Variants in KCNC1 observed in about 807,000 individuals in gnomAD.
KCNC1 encodes the protein voltage-gated potassium channel KCNC1.
A neutral mutation model predicts 43.4 loss-of-function variants in KCNC1; 8 were observed. The observed-to-expected ratio is 0.18, with a 90% CI of 0.11 to 0.33. The LOEUF (loss-of-function observed/expected upper bound fraction) is 0.33. Among genes scored for constraint, KCNC1 ranks in the 10% least tolerant of loss-of-function variants. The probability of loss-of-function intolerance (pLI) is 1.00; values close to 1 mark genes in which losing one functional copy is unlikely to be tolerated. For synonymous variants in KCNC1, 361 were observed against 360.5 expected (o/e 1.00, Z -0.01); for missense variants, 420 against 836.0 (o/e 0.50, Z 6.14).
chr11:17,738,979 C>T (rs1186356133), intron 1 of KCNC1, among the ~76,000 whole-genome samples: 1 of 152,226 alleles, frequency 6.6e-6, no homozygotes, highest in Non-Finnish European at 1.5e-5. Context: ...CCCAAGGGCA[C>T]TCGGGAGCTG....
At chr11:17,768,502 A>G (rs1271950144) in intron 1 of KCNC1, among the ~76,000 whole-genome samples, 1 of 152,122 alleles carries the variant, frequency 6.6e-6, no homozygotes, top group Admixed American at 6.5e-5. Context: ...ATTCCAGTTG[A>G]AAGCACCCTC....
At position 17,739,035 on chromosome 11, in the gene KCNC1, C is replaced by G. The variant is rs538563396; in HGVS notation, c.570+2463C>G. Among the ~76,000 whole-genome samples the G allele has an allele frequency of 1.3e-5, 2 of 152,234 alleles. No individual in the cohort carries two copies. Among genetic ancestry groups the G allele is most frequent in the Admixed American group, 1.3e-4 (2 of 15,290 alleles). On this transcript the variant is annotated intron_variant, in intron 1 of 3. Transcript: ENST00000265969. This position sits in a 1 kb window ranked among gnomAD's most constrained non-coding sequence, Gnocchi z 4.2. The stretch of plus-strand genomic sequence containing the variant: ...GAACCCCAGCTTCCTGCCGCCCGCC[C>G]GGCTGGCCTAGCTGCACTGCGCTGC...
chr11:17,750,451 C>T (rs1002185926), intron 1 of KCNC1, among the ~76,000 whole-genome samples: 2 of 152,152 alleles, frequency 1.3e-5, no homozygotes, highest in African/African-American at 4.8e-5. Context: ...CGGCAGGAAT[C>T]GTGTCTCCCG....
intron 1 of KCNC1, among the ~76,000 whole-genome samples, chr11:17,738,746 T>C (rs1296462750): frequency 6.6e-6 from 1 of 152,206 alleles, no homozygotes; most frequent in Admixed American, 6.5e-5. Context: ...GAAAAAAATC[T>C]CTGAAGTGAA....
At chr11:17,745,043 C>A (rs781604380) in intron 1 of KCNC1, among the ~76,000 whole-genome samples, 3 of 152,070 alleles carry the variant, frequency 2.0e-5, no homozygotes, top group Admixed American at 6.5e-5. Flanking sequence ...ATTTGTTAGA[C>A]GTGAAGCCTT....
intron 1 of KCNC1, among the ~76,000 whole-genome samples, chr11:17,759,038 T>C (rs1386426001): frequency 6.6e-6 from 1 of 152,254 alleles, no homozygotes; most frequent in African/African-American, 2.4e-5. Context: ...GGCCGTTTAA[T>C]CTGCATTGAA....
chr11:17,745,771 T>C (rs1000564157), intron 1 of KCNC1, among the ~76,000 whole-genome samples: 1 of 152,156 alleles, frequency 6.6e-6, no homozygotes, highest in African/African-American at 2.4e-5. Context: ...GCTTTTCCCT[T>C]GGGTATCAGC....
rs373379136 is a variant in KCNC1, at chr11:17,764,849, A to C, written c.571-6816A>C. Among the ~76,000 whole-genome samples, 44 of 151,728 alleles carry C rather than the reference A, an allele frequency of 2.9e-4. 1 individual carries two copies. In the East Asian group the frequency reaches 4.9e-3, roughly 17 times the overall value. ...TTCCCGGCCCGCGGAAGTCCAGATG[A>C]GGCTAATTCAGTTTCTAAACCCAAC... On this transcript the variant is annotated intron_variant, in intron 1 of 3. Transcript: ENST00000265969.
At chr11:17,763,593 C>A (rs1849103885) in intron 1 of KCNC1, among the ~76,000 whole-genome samples, 1 of 141,918 alleles carries the variant, frequency 7.0e-6, no homozygotes, top group Non-Finnish European at 1.5e-5. Flanking sequence ...CACACAGACC[C>A]CCACACACCA....
At position 17,739,420 on chromosome 11, in the gene KCNC1, G is replaced by A. The variant is rs1364728863; in HGVS notation, c.570+2848G>A. 3.3e-5 allele frequency among the ~76,000 whole-genome samples: 5 copies of A among 150,396 alleles called. No homozygotes were observed. Among genetic ancestry groups the A allele is most frequent in the Admixed American group, 6.6e-5 (1 of 15,084 alleles). ...GTGTGGTGAGACTGCGACTCTGTGC[G>A]AGCTTCCTGAGTCCTTGTGTCAGGG... On this transcript the variant is annotated intron_variant, in intron 1 of 3. Transcript: ENST00000265969. The surrounding 1 kb of genome is among the most constrained non-coding windows in gnomAD (Gnocchi z 4.2).
At position 17,779,579 on chromosome 11, in the gene KCNC1, A is replaced by T; in HGVS notation, c.1628A>T (p.Tyr543Phe). 6.4e-7 allele frequency: 1 copy of T among 1,551,554 alleles called. No individual in the cohort carries two copies. Among genetic ancestry groups the T allele is most frequent in the Non-Finnish European group, 8.7e-7 (1 of 1,146,972 alleles). ...PFTRSGTRERYGPCFLLSTGE... is the reference protein window; with the variant it reads ...PFTRSGTRERFGPCFLLSTGE... ...ACGCGCTCGGGCACCCGCGAGAGAT[A>T]CGGACCCTGCTTCCTCTTATCAACC... The change falls in exon 3 of 4, where the codon TAC (tyrosine) becomes TTC (phenylalanine). Residue 543 changes from tyrosine (Y) to phenylalanine (F), a missense_variant. By Grantham distance (22) the Tyr-to-Phe change is conservative. Coordinates refer to ENST00000265969, the MANE Select transcript of KCNC1 (RefSeq NM_001112741.2). The surrounding 1 kb of genome is among the most constrained non-coding windows in gnomAD (Gnocchi z 7.2).
chr11:17,759,843 G>A (rs1171382743), intron 1 of KCNC1, among the ~76,000 whole-genome samples: 1 of 152,174 alleles, frequency 6.6e-6, no homozygotes, highest in East Asian at 1.9e-4. Flanking sequence ...TTGAAATATT[G>A]CTAGAATAAC....
chr11:17,766,982 A>AT (rs1156244571), intron 1 of KCNC1, among the ~76,000 whole-genome samples: 1 of 151,058 alleles, frequency 6.6e-6, no homozygotes, highest in Non-Finnish European at 1.5e-5. Context: ...AAAAAAAAAA[A>AT]AATTAGCCGG....
chr11:17,742,515 C>T lies in KCNC1; in HGVS notation c.570+5943C>T, dbSNP rs999532085. The stretch of plus-strand genomic sequence containing the variant: ...TGCCTCCCATCAGCTCTGGGGCCAG[C>T]CTGGCTACCACCCCAGCGTGAGCTC... On this transcript the variant is annotated intron_variant, in intron 1 of 3. Transcript: ENST00000265969. This position sits in a 1 kb window ranked among gnomAD's most constrained non-coding sequence, Gnocchi z 4.2. Among the ~76,000 whole-genome samples, 8 of 152,338 alleles carry T rather than the reference C, an allele frequency of 5.3e-5. No homozygotes were observed. The East Asian group carries it at 1.4e-3, about 26-fold the overall frequency.
At chr11:17,753,788 A>G (rs1253900851) in intron 1 of KCNC1, among the ~76,000 whole-genome samples, 1 of 152,156 alleles carries the variant, frequency 6.6e-6, no homozygotes, top group Non-Finnish European at 1.5e-5. Context: ...CTGGGAATAG[A>G]CATGGTCTCA....
Position 17,755,799 on chromosome 11 carries a change from G to A in KCNC1, c.571-15866G>A, listed in dbSNP as rs1849016515. On this transcript the variant is annotated intron_variant, in intron 1 of 3. Transcript: ENST00000265969. Reference sequence around the variant, plus strand: ...AGTCCTGAGTTCAGGGGAAGGGCTGGGCTGGAGATAAGCCTTTGAGAGTGT... The same window carrying A: ...AGTCCTGAGTTCAGGGGAAGGGCTGAGCTGGAGATAAGCCTTTGAGAGTGT... Among the ~76,000 whole-genome samples, 4 of 152,170 alleles carry A rather than the reference G, an allele frequency of 2.6e-5. No homozygotes were observed. In the South Asian group the frequency reaches 8.3e-4, roughly 32 times the overall value.
rs1169340605 is a variant in KCNC1, at chr11:17,773,327, CGTT to C, written c.1504+732_1504+734del. ...CCTGTTGAAGTGACTCTAGCTTTCA[CGTT>C]GTCTGTTTGGGTTGATGGTCGAGTG... is the stretch of plus-strand genomic sequence containing the variant. On this transcript the variant is annotated intron_variant, in intron 2 of 3. Transcript: ENST00000265969. The surrounding 1 kb of genome is among the most constrained non-coding windows in gnomAD (Gnocchi z 4.1). 1 of 985,304 alleles carries C rather than the reference CGTT, an allele frequency of 1.0e-6. No homozygotes were observed. Among genetic ancestry groups the C allele is most frequent in the East Asian group, 1.1e-4 (1 of 8,830 alleles). The allele number at this position is 985,304 out of a possible 1,614,324, so 61.0% of individuals were successfully genotyped here.
At chr11:17,746,961 A>G (rs1848906270) in intron 1 of KCNC1, among the ~76,000 whole-genome samples, 1 of 152,216 alleles carries the variant, frequency 6.6e-6, no homozygotes, top group Non-Finnish European at 1.5e-5. Flanking sequence ...CACTTAGCCC[A>G]GAACCCAGAA....
chr11:17,753,486 C>CT (rs1218926297), intron 1 of KCNC1, among the ~76,000 whole-genome samples: 1 of 152,248 alleles, frequency 6.6e-6, no homozygotes, highest in Admixed American at 6.5e-5. Context: ...CTGGCCGGCA[C>CT]TAGGCAGGGT....
Sources: gnomAD v4.1 joint callset for allele counts (sites outside exome capture counted in the v4.1 genomes callset) on GRCh38, gnomAD v4.1.1 for gene constraint, Gnocchi (gnomAD v3.1) non-coding constraint, MANE v1.5 for transcripts, NCBI Gene and HGNC (gene_info 2026-07-23, HGNC 2026-07-21) for gene names.